The following IRAK1BP1 variants were observed in gnomAD, a reference collection of about 807,000 sequenced individuals.
IRAK1BP1 encodes interleukin 1 receptor associated kinase 1 binding protein 1, also known as interleukin-1 receptor-associated kinase 1-binding protein 1.
IRAK1BP1 carries 24 observed loss-of-function variants against 28.0 expected under a neutral mutation model. That is an observed-to-expected ratio of 0.86 (90% CI 0.62 to 1.20). IRAK1BP1 has a LOEUF of 1.20. Among genes scored for constraint, IRAK1BP1 ranks in the 50% most tolerant of loss-of-function variants. The probability of loss-of-function intolerance (pLI) is 0.00; values close to 1 mark genes in which losing one functional copy is unlikely to be tolerated. For synonymous variants in IRAK1BP1, 131 were observed against 116.3 expected (o/e 1.13, Z -0.81); for missense variants, 336 against 316.7 (o/e 1.06, Z -0.46).
chr6:78,934,374 G>A (rs1773184407), intron 4 of IRAK1BP1, among the ~76,000 whole-genome samples: 1 of 152,210 alleles, frequency 6.6e-6, no homozygotes, highest in South Asian at 2.1e-4. Flanking sequence ...TGGATGCATG[G>A]TTACCAGTTA....
downstream of IRAK1BP1, among the ~76,000 whole-genome samples, chr6:78,949,811 C>T (rs1774042993): frequency 6.6e-6 from 1 of 152,094 alleles, no homozygotes; most frequent in South Asian, 2.1e-4. Flanking sequence ...ACCTCAGCCT[C>T]ATTAGTAGCT....
the IRAK1BP1 span, chr6:78,965,854 G>C: frequency 8.4e-7 from 1 of 1,189,456 alleles, no homozygotes; most frequent in Non-Finnish European, 1.2e-6. Flanking sequence ...TTGCTTCTGT[G>C]TTTAAAAGAA....
intron 4 of IRAK1BP1, chr6:78,937,393 C>T (rs139458644): frequency 1.3e-5 from 2 of 151,790 alleles, no homozygotes; most frequent in Non-Finnish European, 3.0e-5. Context: ...TATTTGAATA[C>T]ATTTCTTAAA....
At chr6:78,955,223 CTA>C in the IRAK1BP1 span, 5 of 1,591,476 alleles carry the variant, frequency 3.1e-6, no homozygotes, top group South Asian at 1.1e-5. Flanking sequence ...AAAACTAAAA[CTA>C]TATTACCTTC....
At position 78,868,214 on chromosome 6, in the gene IRAK1BP1, G is replaced by A. The variant is rs189265957; in HGVS notation, c.315+323G>A. 6.4e-4 allele frequency among the ~76,000 whole-genome samples: 98 copies of A among 152,332 alleles called. 1 individual carries two copies. In the South Asian group the frequency reaches 8.1e-3, roughly 13 times the overall value. The stretch of plus-strand genomic sequence containing the variant: ...GTGATGAAATGTTAAAACTTGAAAT[G>A]TTAGTTGTAAATACTTGCCCACGTG... On this transcript the variant is annotated intron_variant, in intron 1 of 3. Coordinates refer to ENST00000369940, the MANE Select transcript of IRAK1BP1 (RefSeq NM_001010844.4).
At chr6:78,939,492 A>G (rs1332160463) in intron 4 of IRAK1BP1, 1 of 151,922 alleles carries the variant, frequency 6.6e-6, no homozygotes, top group African/African-American at 2.4e-5. Flanking sequence ...ATTAAACTAT[A>G]AAGTATGACA....
chr6:78,943,821 T>C (rs1175494999), intron 4 of IRAK1BP1, among the ~76,000 whole-genome samples: 2 of 151,654 alleles, frequency 1.3e-5, no homozygotes, highest in African/African-American at 4.8e-5. Context: ...ATCCTGTCTA[T>C]ATCAAAAATA....
At chr6:78,896,655 C>A (rs1307649347) in intron 2 of IRAK1BP1, among the ~76,000 whole-genome samples, 2 of 151,882 alleles carry the variant, frequency 1.3e-5, no homozygotes, top group Non-Finnish European at 2.9e-5. Flanking sequence ...AAGTTCTATA[C>A]CTTTTTCAAA....
chr6:78,924,524 T>G (rs1377478451), intron 4 of IRAK1BP1, among the ~76,000 whole-genome samples: 1 of 152,084 alleles, frequency 6.6e-6, no homozygotes, highest in African/African-American at 2.4e-5. Context: ...CTGAAACTAT[T>G]CCAATCAATA....
the IRAK1BP1 span, chr6:78,954,984 TATATTA>T: frequency 6.6e-7 from 1 of 1,505,092 alleles, no homozygotes; most frequent in East Asian, 2.3e-5. Context: ...AGTGTTCAAA[TATATTA>T]ATAAAAGAGC....
chr6:78,935,521 G>GA, intron 4 of IRAK1BP1: 19 of 974,518 alleles, frequency 1.9e-5, no homozygotes, highest in Non-Finnish European at 1.5e-5. Context: ...TATCTCTTAC[G>GA]AAAGTATCTG....
intron 2 of IRAK1BP1, among the ~76,000 whole-genome samples, chr6:78,888,432 A>G (rs1771506803): frequency 6.6e-6 from 1 of 152,170 alleles, no homozygotes; most frequent in Admixed American, 6.5e-5. Flanking sequence ...ATAGTATCAC[A>G]GGTGTATGCG....
chr6:78,957,441 G>A, the IRAK1BP1 span: 1 of 151,756 alleles, frequency 6.6e-6, no homozygotes, highest in South Asian at 2.1e-4. Flanking sequence ...GGTAGAGAAA[G>A]GGCACAAACT....
At chr6:78,952,908 ATC>A in the IRAK1BP1 span, among the ~76,000 whole-genome samples, 5 of 150,172 alleles carry the variant, frequency 3.3e-5, no homozygotes, top group African/African-American at 9.8e-5. Context: ...AAGGAATGTC[ATC>A]TCTCTTTTTT....
At chr6:78,889,197 CA>C (rs1478042948) in intron 2 of IRAK1BP1, among the ~76,000 whole-genome samples, 4 of 151,098 alleles carry the variant, frequency 2.6e-5, no homozygotes, top group Admixed American at 6.6e-5. Flanking sequence ...AATTTCATTC[CA>C]AAAGGCATGA....
At chr6:78,910,258 A>G (rs998232308) in intron 4 of IRAK1BP1, among the ~76,000 whole-genome samples, 35 of 152,158 alleles carry the variant, frequency 2.3e-4, no homozygotes, top group Admixed American at 2.2e-3. Flanking sequence ...GCGAGGGCCT[A>G]TCAGTTACAA....
the IRAK1BP1 span, chr6:78,970,946 A>C: frequency 8.7e-7 from 1 of 1,148,180 alleles, no homozygotes; most frequent in Non-Finnish European, 1.3e-6. Context: ...TCCAATATAC[A>C]GGGTATCAGC....
intron 1 of IRAK1BP1, among the ~76,000 whole-genome samples, chr6:78,872,979 G>A (rs1581988619): frequency 1.3e-5 from 2 of 152,042 alleles, no homozygotes; most frequent in Non-Finnish European, 2.9e-5. Context: ...AACCTGGCCA[G>A]GCACGATGGC....
chr6:78,934,601 A>ATT (rs1773193759), intron 4 of IRAK1BP1, among the ~76,000 whole-genome samples: 1 of 152,224 alleles, frequency 6.6e-6, no homozygotes, highest in Non-Finnish European at 1.5e-5. Flanking sequence ...GAAGCTACAC[A>ATT]TTAAATGATG....
Sources: gnomAD v4.1 joint callset for allele counts (sites outside exome capture counted in the v4.1 genomes callset) on GRCh38, gnomAD v4.1.1 for gene constraint, MANE v1.5 for transcripts, NCBI Gene and HGNC (gene_info 2026-07-23, HGNC 2026-07-21) for gene names.